BRCA2: variants seen among roughly 807,000 people sequenced by gnomAD.
The protein encoded by BRCA2 is BRCA2 DNA repair associated.
Under a neutral mutation model 276.7 loss-of-function variants are expected in BRCA2, and 203 were observed. The ratio of observed to expected loss-of-function variants is 0.73; its 90% CI spans 0.65 to 0.82. The LOEUF is 0.82. BRCA2 is among the 40% of genes least tolerant of loss of function. BRCA2 has a pLI of 0.00. For missense variants in BRCA2, 3,920 were observed against 3,915.0 expected (o/e 1.00, Z -0.03); for synonymous variants, 1,289 against 1,338.4 (o/e 0.96, Z 0.81).
In BRCA2 at chr13:32,339,855, A is replaced by T. The variant is rs760602053; in HGVS notation, c.5500A>T (p.Ser1834Cys). The T allele has an allele frequency of 1.2e-6, 2 of 1,613,390 alleles. No individual in the cohort carries two copies. Among genetic ancestry groups the T allele is most frequent in the Non-Finnish European group, 1.7e-6 (2 of 1,179,618 alleles). The change falls in exon 11 of 27, where the codon AGT becomes TGT. Residue 1834 changes from serine to cysteine, a missense_variant. Physicochemically the swap from Ser to Cys is moderately radical, Grantham distance 112. This residue lies in a region of BRCA2 where 3,263 missense variants were observed against 3,156.9 expected (regional missense o/e 1.03). Transcript: ENST00000380152. ...NAAIKLSISN[S>C]NNFEVGPPAF... is the part of the protein sequence containing the mutation. Reference sequence around the variant, plus strand: ...AGCCATTAAATTGTCCATATCTAATAGTAATAATTTTGAGGTAGGGCCACC... The same window carrying T: ...AGCCATTAAATTGTCCATATCTAATTGTAATAATTTTGAGGTAGGGCCACC...
At chr13:32,325,256 A>C in intron 4 of BRCA2, 72 bp downstream of exon 4, 1 of 1,175,642 alleles carries the variant, frequency 8.5e-7, no homozygotes, top group Non-Finnish European at 1.2e-6. Context: ...TATAAAGATG[A>C]ATCTGATTTT....
At chr13:32,368,317 G>C (rs1236212091) in intron 18 of BRCA2, among the ~76,000 whole-genome samples, 3 of 152,024 alleles carry the variant, frequency 2.0e-5, no homozygotes, top group Non-Finnish European at 2.9e-5. Flanking sequence ...TGTAAATCCA[G>C]AAAAGGATTA....
At chr13:32,390,099 T>C (rs1235814964) in intron 24 of BRCA2, among the ~76,000 whole-genome samples, 1 of 152,212 alleles carries the variant, frequency 6.6e-6, no homozygotes, top group Admixed American at 6.5e-5. Flanking sequence ...TGTTTTTAAG[T>C]GTTAAAGTTC....
intron 24 of BRCA2, among the ~76,000 whole-genome samples, chr13:32,392,764 C>T (rs903954699): frequency 6.6e-6 from 1 of 152,044 alleles, no homozygotes; most frequent in African/African-American, 2.4e-5. Flanking sequence ...ATAATTATTA[C>T]CCATACTGTA....
chr13:32,351,060 G>A (rs1853520), intron 13 of BRCA2, among the ~76,000 whole-genome samples: 3 of 152,206 alleles, frequency 2.0e-5, no homozygotes, highest in Admixed American at 2.0e-4. Context: ...TCAGCAGGAC[G>A]TGGGCGGGGC....
At chr13:32,322,894 T>C (rs1268339692) in intron 3 of BRCA2, among the ~76,000 whole-genome samples, 1 of 152,226 alleles carries the variant, frequency 6.6e-6, no homozygotes, top group Non-Finnish European at 1.5e-5. Flanking sequence ...CACATACAGG[T>C]TTGTGTGTGA....
chr13:32,321,405 C>G (rs1310563059), intron 3 of BRCA2, among the ~76,000 whole-genome samples: 1 of 152,162 alleles, frequency 6.6e-6, no homozygotes, highest in Non-Finnish European at 1.5e-5. Flanking sequence ...GAGCATGTAC[C>G]AAGTGCATGA....
chr13:32,383,911 T>G (rs539984201), intron 24 of BRCA2, among the ~76,000 whole-genome samples: 37 of 151,824 alleles, frequency 2.4e-4, no homozygotes, highest in Non-Finnish European at 4.4e-4. Flanking sequence ...CAGTGGAAAA[T>G]AGAGGACATG....
chr13:32,395,921 C>G (rs1273101870), intron 25 of BRCA2: 1 of 227,980 alleles, frequency 4.4e-6, no homozygotes, highest in African/African-American at 2.8e-5. Flanking sequence ...TACAGCATAT[C>G]TACTGTTTAC....
intron 20 of BRCA2, chr13:32,375,223 A>C (rs966428579): frequency 6.3e-6 from 2 of 317,494 alleles, no homozygotes. Context: ...GAGGACACAG[A>C]GCCAAATCGT....
chr13:32,353,496 C>G (rs1351917607), intron 13 of BRCA2, among the ~76,000 whole-genome samples: 1 of 152,154 alleles, frequency 6.6e-6, no homozygotes, highest in Non-Finnish European at 1.5e-5. Flanking sequence ...TGTACAGATT[C>G]TTCATGATCT....
intron 7 of BRCA2, among the ~76,000 whole-genome samples, chr13:32,328,500 AT>A (rs924866567): frequency 1.3e-5 from 2 of 151,442 alleles, no homozygotes; most frequent in Non-Finnish European, 2.9e-5. Context: ...TCTCAGCCAC[AT>A]TTTTTTTGTC....
At chr13:32,376,185 T>G (rs1219731485) in intron 20 of BRCA2, among the ~76,000 whole-genome samples, 1 of 152,150 alleles carries the variant, frequency 6.6e-6, no homozygotes, top group Non-Finnish European at 1.5e-5. Context: ...GTATGACTTT[T>G]TTTTTTTTTA....
chr13:32,348,215 A>G (rs1198331674), intron 13 of BRCA2, among the ~76,000 whole-genome samples: 1 of 152,146 alleles, frequency 6.6e-6, no homozygotes. Context: ...CTGTGGATCT[A>G]TCATCTGAAA....
At chr13:32,355,333 G>C (rs936612478) in intron 14 of BRCA2, 45 bp downstream of exon 14, 6 of 1,601,858 alleles carry the variant, frequency 3.7e-6, no homozygotes, top group Non-Finnish European at 5.1e-6. Context: ...CTTTCAGTTA[G>C]ATATTTCCGT....
chr13:32,391,985 A>T (rs1433372978), intron 24 of BRCA2, among the ~76,000 whole-genome samples: 2 of 152,216 alleles, frequency 1.3e-5, no homozygotes, highest in Non-Finnish European at 2.9e-5. Flanking sequence ...GGAAAACAAG[A>T]TATATTTAAA....
rs373227180 is a variant in BRCA2 at position 32,379,387 on chromosome 13, C to T, written c.8825C>T (p.Ala2942Val). The change falls in exon 22 of 27, where the codon GCT becomes GTT. Residue 2942 changes from alanine (A) to valine (V), a missense_variant. By Grantham distance (64) the Ala-to-Val change is moderately conservative. Coordinates refer to ENST00000380152, the MANE Select transcript of BRCA2 (RefSeq NM_000059.4). The stretch of plus-strand genomic sequence containing the variant: ...CAAATGTTGAATGATAAGAAACAAG[C>T]TCAGATCCAGTTGGAAATTAGGAAG... The part of the protein sequence containing the change: ...HRQMLNDKKQ[A>V]QIQLEIRKAM... 2.5e-6 allele frequency: 4 copies of T among 1,613,636 alleles called. No homozygotes were observed. The highest frequency in any genetic ancestry group is 3.4e-6 in the Non-Finnish European group (4 of 1,179,900).
intron 24 of BRCA2, among the ~76,000 whole-genome samples, chr13:32,391,573 A>G (rs981879124): frequency 1.3e-5 from 2 of 152,252 alleles, no homozygotes; most frequent in African/African-American, 2.4e-5. Flanking sequence ...CACCCGCACC[A>G]TGGCATCCAC....
Position 32,398,808 on chromosome 13 carries a change from C to T in BRCA2, c.*38C>T, listed in dbSNP as rs181968651. ...GCGACAATAAATTATTGACGCTTAA[C>T]CTTTCCAGTTTATAAGACTGGAATA... On this transcript the variant is annotated 3_prime_UTR_variant, in exon 27 of 27. Transcript: ENST00000380152. The T allele has an allele frequency of 8.1e-6, 13 of 1,606,234 alleles. No individual in the cohort carries two copies. In the Admixed American group the frequency reaches 1.7e-4, roughly 21 times the overall value.
Sources: allele counts gnomAD v4.1 joint callset (sites outside exome capture counted in the v4.1 genomes callset), GRCh38; gene constraint gnomAD v4.1.1; regional missense constraint gnomAD v4.1.1; transcripts MANE v1.5; gene names NCBI Gene and HGNC (gene_info 2026-07-23, HGNC 2026-07-21).